The following LIFR variants were observed in gnomAD, a reference collection of about 807,000 sequenced individuals.
LIFR encodes leukemia inhibitory factor receptor.
Under a neutral mutation model 122.2 loss-of-function variants are expected in LIFR, and 84 were observed. The ratio of observed to expected loss-of-function variants is 0.69; its 90% confidence interval spans 0.58 to 0.82. LIFR has a LOEUF of 0.82. Ranked by LOEUF, LIFR falls within the 40% of genes least tolerant of loss-of-function variation. The probability of loss-of-function intolerance (pLI) is 0.00; values close to 1 mark genes in which losing one functional copy is unlikely to be tolerated. For missense variants in LIFR, 1,294 were observed against 1,311.6 expected, an observed-to-expected ratio of 0.99 and a Z score of 0.21; for synonymous variants, 422 against 434.7, an observed-to-expected ratio of 0.97 and a Z score of 0.36.
chr5:38,517,537 A>G (rs895977720), intron 5 of LIFR, among the ~76,000 whole-genome samples: 1 of 152,140 alleles, frequency 6.6e-6, no homozygotes. Flanking sequence ...AGAATCAAGA[A>G]AAGTGAGAGT....
At chr5:38,560,590 GTTTTGTT>G (rs1748798252), upstream of LIFR, among the ~76,000 whole-genome samples, 1 of 148,212 alleles carries the variant, frequency 6.7e-6, no homozygotes, top group African/African-American at 2.5e-5. Context: ...GTTTTGTTTT[GTTTTGTT>G]TTTTGTTTTT....
Position 38,511,823 on chromosome 5 carries a change from A to T in LIFR, c.703T>A (p.Trp235Arg). 1 of 1,613,972 alleles carries T rather than the reference A, an allele frequency of 6.2e-7. No individual in the cohort carries two copies. Among genetic ancestry groups the T allele is most frequent in the Non-Finnish European group, 8.5e-7 (1 of 1,179,952 alleles). ...TTCTTCACAGGGCTCCAGTCACTCC[A>T]CTCTTCGAGACCAGAAAAATGAAGA... is the stretch of plus-strand genomic sequence containing the variant. ...DNLHFSGLEE[W>R]SDWSPVKNIS... The change falls in exon 6 of 20, where the codon TGG (tryptophan) becomes AGG (arginine). Residue 235 changes from tryptophan (W) to arginine (R), a missense_variant. Transcript: ENST00000453190.
intron 1 of LIFR, among the ~76,000 whole-genome samples, chr5:38,565,657 G>A (rs1216818728): frequency 6.6e-6 from 1 of 150,498 alleles, no homozygotes; most frequent in African/African-American, 2.5e-5. Context: ...GCGCAGTCTC[G>A]GCTCACTGCA....
intron 5 of LIFR, among the ~76,000 whole-genome samples, chr5:38,519,151 C>T (rs935172085): frequency 1.3e-5 from 2 of 151,918 alleles, no homozygotes; most frequent in Admixed American, 1.3e-4. Flanking sequence ...AATTTATTAC[C>T]AAAGAAAGAT....
chr5:38,491,986 G>A (rs1744618480), intron 14 of LIFR, among the ~76,000 whole-genome samples: 1 of 152,134 alleles, frequency 6.6e-6, no homozygotes, highest in East Asian at 1.9e-4. Context: ...GAGAAGGTTA[G>A]AGCATTAGGA....
At position 38,476,882 on chromosome 5, in the gene LIFR, G is replaced by A. The variant is rs1743749017; in HGVS notation, c.*4713C>T. 1 of 213,444 alleles carries A rather than the reference G, an allele frequency of 4.7e-6. No homozygotes were observed. Among genetic ancestry groups the A allele is most frequent in the Non-Finnish European group, 9.5e-6 (1 of 105,560 alleles). 13.2% of individuals were successfully genotyped at this position (213,444 alleles called of 1,614,324 possible). A position where few individuals can be genotyped will look rare whatever the true frequency, so the allele number is the denominator to read the frequency against. On this transcript the variant is annotated 3_prime_UTR_variant, in exon 20 of 20. Coordinates refer to ENST00000453190, the MANE Select transcript of LIFR (RefSeq NM_001127671.2). ...ATAGGTAAATTCTGTTTATAACATG[G>A]ACTCTGATAATCCAAATATTAACAT...
At chr5:38,600,324 GGGCCATT>G (rs1220805274), upstream of LIFR, among the ~76,000 whole-genome samples, 1 of 152,154 alleles carries the variant, frequency 6.6e-6, no homozygotes, top group Non-Finnish European at 1.5e-5. Context: ...GCTGTATCTT[GGGCCATT>G]GGTCACTCAT....
chr5:38,484,750 G>C, intron 18 of LIFR, 25 bp downstream of exon 18: 1 of 1,458,742 alleles, frequency 6.9e-7, no homozygotes, highest in Non-Finnish European at 9.6e-7. Context: ...GAAGAAAACA[G>C]CAAGAGTAAA....
intron 7 of LIFR, among the ~76,000 whole-genome samples, chr5:38,510,143 C>A (rs3797163): frequency 2.6e-5 from 4 of 152,228 alleles, no homozygotes; most frequent in East Asian, 3.9e-4. Flanking sequence ...CTAAACAATG[C>A]AGGGTTAAGA....
intron 18 of LIFR, 45 bp downstream of exon 18, chr5:38,484,730 A>G: frequency 8.3e-7 from 1 of 1,206,612 alleles, no homozygotes; most frequent in South Asian, 1.2e-5. Context: ...TCTTATAATC[A>G]TGCCTTTAAG....
chr5:38,494,734 G>A (rs973857534), intron 13 of LIFR, among the ~76,000 whole-genome samples: 12 of 152,094 alleles, frequency 7.9e-5, no homozygotes, highest in East Asian at 1.9e-4. Context: ...ATTTTTAGAC[G>A]AGTAATTGTC....
chr5:38,571,414 G>C (rs1050026311), intron 1 of LIFR, among the ~76,000 whole-genome samples: 1 of 151,538 alleles, frequency 6.6e-6, no homozygotes, highest in African/African-American at 2.4e-5. Flanking sequence ...AATTAGTTGG[G>C]GGTCGTGGTG....
Position 38,481,090 on chromosome 5 carries a change from G to A in LIFR, c.*505C>T. 1 of 243,516 alleles carries A rather than the reference G, an allele frequency of 4.1e-6. No homozygotes were observed. The highest frequency in any genetic ancestry group is 8.1e-6 in the Non-Finnish European group (1 of 123,734). 15.1% of individuals were successfully genotyped at this position (243,516 alleles called of 1,614,324 possible). On this transcript the variant is annotated 3_prime_UTR_variant, in exon 20 of 20. Coordinates refer to ENST00000453190, the MANE Select transcript of LIFR (RefSeq NM_001127671.2). ...TTAATTTTTGTGAATGCTGTGGATA[G>A]AGGAGAATAATCTTAGAAGTTTTAA...
chr5:38,575,834 T>A (rs1301457266), intron 1 of LIFR, among the ~76,000 whole-genome samples: 1 of 152,160 alleles, frequency 6.6e-6, no homozygotes, highest in Non-Finnish European at 1.5e-5. Flanking sequence ...AGGGGGAAAT[T>A]TAAAGAGACA....
intron 2 of LIFR, among the ~76,000 whole-genome samples, chr5:38,603,730 A>G (rs1002258677): frequency 2.0e-5 from 3 of 152,172 alleles, no homozygotes; most frequent in Non-Finnish European, 4.4e-5. Context: ...AAAACTTCCT[A>G]GTTTTCTAAT....
rs1743671511 is a variant in LIFR at position 38,475,254 on chromosome 5, CTTCAG to C, written c.*6336_*6340del. The C allele has an allele frequency of 5.2e-6, 1 of 191,734 alleles. No homozygotes were observed. 11.9% of individuals were successfully genotyped at this position (191,734 alleles called of 1,614,324 possible). A position where few individuals can be genotyped will look rare whatever the true frequency, so the allele number is the denominator to read the frequency against. ...CCAAATTTTCACAAGGCAGGAAATGCTTCAGTTATCATCTAAGTGGAGTTGTTTTA... is the reference window on the plus strand; with the variant it reads ...CCAAATTTTCACAAGGCAGGAAATGCTTATCATCTAAGTGGAGTTGTTTTA... On this transcript the variant is annotated 3_prime_UTR_variant, in exon 20 of 20. Coordinates refer to ENST00000453190, the MANE Select transcript of LIFR (RefSeq NM_001127671.2).
intron 14 of LIFR, among the ~76,000 whole-genome samples, chr5:38,491,387 A>T (rs1232200698): frequency 6.6e-6 from 1 of 152,234 alleles, no homozygotes. Flanking sequence ...TATTAGAGGT[A>T]TGTATCAGAT....
chr5:38,515,815 C>T (rs1284371427), intron 5 of LIFR, among the ~76,000 whole-genome samples: 1 of 152,084 alleles, frequency 6.6e-6, no homozygotes, highest in Non-Finnish European at 1.5e-5. Context: ...GAGCTCTTCC[C>T]AGTGTGTGCA....
chr5:38,542,245 ACGTTTAG>A (rs1248852667), intron 1 of LIFR, among the ~76,000 whole-genome samples: 1 of 152,202 alleles, frequency 6.6e-6, no homozygotes, highest in African/African-American at 2.4e-5. Flanking sequence ...GGACACTTGA[ACGTTTAG>A]CAACTTGAGG....
Sources: allele counts gnomAD v4.1 joint callset (sites outside exome capture counted in the v4.1 genomes callset), GRCh38; gene constraint gnomAD v4.1.1; transcripts MANE v1.5; gene names NCBI Gene and HGNC (gene_info 2026-07-23, HGNC 2026-07-21).